COX7B2: variants seen among roughly 807,000 people sequenced by gnomAD.
COX7B2 encodes the protein cytochrome c oxidase subunit 7B2, also known as cytochrome c oxidase subunit 7B2, mitochondrial.
For missense variants in COX7B2, 109 were observed against 95.9 expected (o/e 1.14, Z -0.57); for synonymous variants, 37 against 32.1 (o/e 1.15, Z -0.51).
At chr4:46,800,029 G>A (rs951318864) in intron 2 of COX7B2, among the ~76,000 whole-genome samples, 5 of 151,874 alleles carry the variant, frequency 3.3e-5, no homozygotes, top group South Asian at 2.1e-4. Flanking sequence ...TTCAGAACTC[G>A]TTATTAGTCT....
chr4:46,859,523 G>A (rs533414046), intron 1 of COX7B2, among the ~76,000 whole-genome samples: 4 of 152,302 alleles, frequency 2.6e-5, no homozygotes, highest in Non-Finnish European at 4.4e-5. Flanking sequence ...ATGAAAGCCC[G>A]AGAGGTCTGT....
chr4:46,749,448 AG>A (rs569935703), intron 2 of COX7B2, among the ~76,000 whole-genome samples: 2 of 152,136 alleles, frequency 1.3e-5, no homozygotes, highest in African/African-American at 2.4e-5. Context: ...GTAGCCTAAG[AG>A]AAGAAACATG....
intron 2 of COX7B2, among the ~76,000 whole-genome samples, chr4:46,804,909 C>T (rs929865757): frequency 5.3e-5 from 8 of 152,166 alleles, no homozygotes; most frequent in East Asian, 1.9e-4. Context: ...GCTCAGGCTG[C>T]GTGGGAGCCC....
At chr4:46,797,855 G>A (rs989767537) in intron 2 of COX7B2, among the ~76,000 whole-genome samples, 4 of 152,178 alleles carry the variant, frequency 2.6e-5, no homozygotes, top group Non-Finnish European at 5.9e-5. Context: ...GTATGAAGCC[G>A]TTGATCTGAT....
At position 46,855,631 on chromosome 4, in the gene COX7B2, A is replaced by C. The variant is rs550911567; in HGVS notation, c.-104-10617T>G. ...TCTGATTTACAGATTGACAAAAAAA[A>C]CTAAAAAAAAGCATGTAAATAACAA... On this transcript the variant is annotated intron_variant, in intron 1 of 2. Coordinates refer to ENST00000355591, the MANE Select transcript of COX7B2 (RefSeq NM_130902.3). Among the ~76,000 whole-genome samples, 3 of 152,246 alleles carry C rather than the reference A, an allele frequency of 2.0e-5. No individual in the cohort carries two copies. The South Asian group carries it at 6.2e-4, about 31-fold the overall frequency.
chr4:46,806,354 G>A (rs1156822082), intron 2 of COX7B2, among the ~76,000 whole-genome samples: 1 of 150,306 alleles, frequency 6.7e-6, no homozygotes, highest in Non-Finnish European at 1.5e-5. Context: ...AAAAAATAAA[G>A]TAAAAAAAAA....
chr4:46,757,390 A>G (rs1327939269), intron 2 of COX7B2, among the ~76,000 whole-genome samples: 1 of 152,082 alleles, frequency 6.6e-6, no homozygotes, highest in Admixed American at 6.6e-5. Context: ...TGGATGCACT[A>G]AAAGCCCAGA....
intron 2 of COX7B2, among the ~76,000 whole-genome samples, chr4:46,797,665 G>C (rs1313057161): frequency 6.6e-6 from 1 of 152,120 alleles, no homozygotes; most frequent in African/African-American, 2.4e-5. Context: ...AAGGATACAG[G>C]GGCAATGATT....
chr4:46,744,603 A>C (rs1184467563), intron 2 of COX7B2, among the ~76,000 whole-genome samples: 2 of 152,100 alleles, frequency 1.3e-5, no homozygotes, highest in African/African-American at 4.8e-5. Context: ...TCATTGCATA[A>C]TTTGAAACTT....
At chr4:46,853,493 C>T (rs1450241768) in intron 1 of COX7B2, among the ~76,000 whole-genome samples, 4 of 152,026 alleles carry the variant, frequency 2.6e-5, no homozygotes, top group Non-Finnish European at 5.9e-5. Context: ...GTCAACACTC[C>T]TGTAAAAACA....
intron 1 of COX7B2, among the ~76,000 whole-genome samples, chr4:46,870,236 C>T (rs983926126): frequency 1.3e-5 from 2 of 151,962 alleles, no homozygotes; most frequent in African/African-American, 4.8e-5. Flanking sequence ...ACAAAAACCA[C>T]ATGATTACCT....
chr4:46,802,413 T>C (rs62305180), intron 2 of COX7B2, among the ~76,000 whole-genome samples: 20,808 of 152,126 alleles, frequency 0.14, 2,092 homozygotes, highest in Admixed American at 0.3. Context: ...TTTCTATGAC[T>C]TCCTTCATGA....
chr4:46,849,274 T>C (rs1393232011), intron 1 of COX7B2, among the ~76,000 whole-genome samples: 2 of 152,096 alleles, frequency 1.3e-5, no homozygotes, highest in Non-Finnish European at 2.9e-5. Flanking sequence ...ATTTCTCCTA[T>C]GTTTTGCTTT....
At chr4:46,749,059 C>T (rs1715188754) in intron 2 of COX7B2, among the ~76,000 whole-genome samples, 1 of 152,104 alleles carries the variant, frequency 6.6e-6, no homozygotes, top group South Asian at 2.1e-4. Flanking sequence ...CTCTTCTACT[C>T]CCAAGTTTGA....
At chr4:46,848,861 A>C (rs2109773463) in intron 1 of COX7B2, among the ~76,000 whole-genome samples, 1 of 152,114 alleles carries the variant, frequency 6.6e-6, no homozygotes, top group Non-Finnish European at 1.5e-5. Context: ...TTGGATACCA[A>C]AATCTTCAGA....
intron 2 of COX7B2, among the ~76,000 whole-genome samples, chr4:46,771,784 A>G (rs1044169480): frequency 1.3e-5 from 2 of 152,130 alleles, no homozygotes; most frequent in African/African-American, 4.8e-5. Flanking sequence ...TCAAATTTCT[A>G]TTTGACAAAC....
chr4:46,842,800 A>G (rs902160981), intron 2 of COX7B2, among the ~76,000 whole-genome samples: 1 of 152,032 alleles, frequency 6.6e-6, no homozygotes, highest in Non-Finnish European at 1.5e-5. Context: ...CCAGTCTATC[A>G]TTGTTGGACA....
intron 1 of COX7B2, among the ~76,000 whole-genome samples, chr4:46,895,631 CT>C (rs1277964404): frequency 1.3e-5 from 2 of 152,100 alleles, no homozygotes; most frequent in Non-Finnish European, 1.5e-5. Context: ...ACATATACCC[CT>C]AAACCTAAAA....
At chr4:46,881,455 G>T (rs1718735904) in intron 1 of COX7B2, among the ~76,000 whole-genome samples, 1 of 152,142 alleles carries the variant, frequency 6.6e-6, no homozygotes, top group African/African-American at 2.4e-5. Flanking sequence ...GTGAGCAGAG[G>T]GGTGACTTTG....
Sources: allele counts gnomAD v4.1 joint callset (sites outside exome capture counted in the v4.1 genomes callset), GRCh38; gene constraint gnomAD v4.1.1; transcripts MANE v1.5; gene names NCBI Gene and HGNC (gene_info 2026-07-23, HGNC 2026-07-21).